ZNF280D: variants seen among roughly 807,000 people sequenced by gnomAD.
ZNF280D encodes zinc finger protein 280D.
In ZNF280D, 39 loss-of-function variants were observed where a neutral mutation model predicts 94.7. That is an observed-to-expected ratio of 0.41 (90% confidence interval 0.32 to 0.54). The LOEUF is 0.54. Ranked by LOEUF, ZNF280D falls within the 20% of genes least tolerant of loss-of-function variation. The pLI, the probability that ZNF280D is intolerant of heterozygous loss-of-function variation, is 0.22. For synonymous variants in ZNF280D, 398 were observed against 377.6 expected (o/e 1.05, Z -0.63); for missense variants, 1,090 against 1,149.3 (o/e 0.95, Z 0.75).
intron 13 of ZNF280D, among the ~76,000 whole-genome samples, chr15:56,671,252 T>C (rs1271358416): frequency 3.9e-5 from 6 of 152,172 alleles, no homozygotes; most frequent in African/African-American, 1.4e-4. Flanking sequence ...CCTTTGCCTA[T>C]GCCTATGTCC....
intron 3 of ZNF280D, among the ~76,000 whole-genome samples, chr15:56,706,692 T>G (rs1245112375): frequency 1.3e-5 from 2 of 152,134 alleles, no homozygotes; most frequent in Admixed American, 6.5e-5. Flanking sequence ...CAAACTCATA[T>G]AGTATACAAA....
chr15:56,719,106 A>G (rs1192289287), intron 1 of ZNF280D, among the ~76,000 whole-genome samples: 1 of 152,178 alleles, frequency 6.6e-6, no homozygotes, highest in Non-Finnish European at 1.5e-5. Flanking sequence ...AGTCTCAGCT[A>G]TCAATTCTCA....
rs75503289 is a variant in ZNF280D at position 56,684,984 on chromosome 15, T to C, written c.781-2507A>G. On this transcript the variant is annotated intron_variant, in intron 9 of 21. Coordinates refer to ENST00000267807, the MANE Select transcript of ZNF280D (RefSeq NM_017661.4). ...TGTAGACAACCAAAAAGCTACAGAC[T>C]GCCAAACAAGAAGATCAAACCACTT... is the stretch of plus-strand genomic sequence containing the variant. 7.9e-3 allele frequency among the ~76,000 whole-genome samples: 1,209 copies of C among 152,298 alleles called. 16 individuals carry two copies. The highest frequency in any genetic ancestry group is 0.028 in the African/African-American group (1,144 of 41,572).
Position 56,692,630 on chromosome 15 carries a change from G to T in ZNF280D, c.499+468C>A, listed in dbSNP as rs544755122. Among the ~76,000 whole-genome samples the T allele has an allele frequency of 6.6e-5, 10 of 152,142 alleles. No individual in the cohort carries two copies. In the East Asian group the frequency reaches 1.9e-3, roughly 29 times the overall value. ...ATGTACAAATCACTATTTATTTATT[G>T]TTGGGAGTTTATAATAGCACTTTAT... On this transcript the variant is annotated intron_variant, in intron 7 of 21. Transcript: ENST00000267807.
intron 19 of ZNF280D, among the ~76,000 whole-genome samples, chr15:56,646,707 T>G (rs2052910519): frequency 6.6e-6 from 1 of 152,170 alleles, no homozygotes; most frequent in Non-Finnish European, 1.5e-5. Context: ...CTCAAGGAGT[T>G]CACTGTGAAG....
At chr15:56,660,108 G>T (rs2053834023) in intron 16 of ZNF280D, among the ~76,000 whole-genome samples, 6 of 152,000 alleles carry the variant, frequency 3.9e-5, no homozygotes, top group Admixed American at 3.3e-4. Flanking sequence ...AGTTTTGTTA[G>T]AAGAGTACAT....
chr15:56,721,583 T>C (rs1026278311), intron 1 of ZNF280D, among the ~76,000 whole-genome samples: 36 of 152,342 alleles, frequency 2.4e-4, no homozygotes, highest in African/African-American at 8.7e-4. Context: ...CTTCATCTTA[T>C]ACTTTTATGT....
At position 56,631,913 on chromosome 15, in the gene ZNF280D, A is replaced by G. The variant is rs997691614; in HGVS notation, c.2525T>C (p.Ile842Thr). Residue 842 changes from isoleucine (I) to threonine (T), a missense_variant, in exon 22 of 22, where the codon ATA (isoleucine) becomes ACA (threonine). Coordinates refer to ENST00000267807, the MANE Select transcript of ZNF280D (RefSeq NM_017661.4). ...GADKVEKKKQIQHVCQEMELK... is the reference protein window; with the variant it reads ...GADKVEKKKQTQHVCQEMELK... ...CTCCATTTCCTGACAAACGTGTTGT[A>G]TTTGTTTTTTCTTTTCCACTTTATC... 6.2e-7 allele frequency: 1 copy of G among 1,613,670 alleles called. No homozygotes were observed. Among genetic ancestry groups the G allele is most frequent in the Non-Finnish European group, 8.5e-7 (1 of 1,179,970 alleles).
intron 1 of ZNF280D, chr15:56,724,936 C>T (rs1473933636): frequency 4.4e-6 from 2 of 451,090 alleles, no homozygotes; most frequent in African/African-American, 4.0e-5. Context: ...GTTATGAAGG[C>T]CTTTCTAGCA....
chr15:56,680,010 A>C (rs2055511876), intron 10 of ZNF280D, among the ~76,000 whole-genome samples: 1 of 152,194 alleles, frequency 6.6e-6, no homozygotes, highest in African/African-American at 2.4e-5. Context: ...ATGTTCCCTT[A>C]ACCAATTCGC....
intron 9 of ZNF280D, among the ~76,000 whole-genome samples, chr15:56,687,133 C>T (rs191167983): frequency 1.9e-3 from 294 of 152,174 alleles, no homozygotes; most frequent in Admixed American, 5.4e-3. Flanking sequence ...ACTTTCCCTT[C>T]CTAGATTTGG....
chr15:56,719,591 G>C (rs1415142889), intron 1 of ZNF280D, among the ~76,000 whole-genome samples: 2 of 152,046 alleles, frequency 1.3e-5, no homozygotes, highest in African/African-American at 4.8e-5. Flanking sequence ...CACAGACAGA[G>C]AAAGACACCC....
chr15:56,653,762 A>G, intron 19 of ZNF280D: 1 of 1,272,840 alleles, frequency 7.9e-7, no homozygotes, highest in Non-Finnish European at 9.9e-7. Flanking sequence ...CAAGTACAGC[A>G]GAGAAAAACA....
chr15:56,655,233 A>T (rs1255863715), intron 17 of ZNF280D, among the ~76,000 whole-genome samples: 1 of 152,184 alleles, frequency 6.6e-6, no homozygotes. Flanking sequence ...TGAACTAGGG[A>T]GTCTCACTCT....
At position 56,677,483 on chromosome 15, in the gene ZNF280D, T is replaced by G. The variant is rs546921486; in HGVS notation, c.1263+91A>C. ...TAAGTTATGCCAAGTTATGCATAAG[T>G]TTGCTGACCGCTGGTCTAATAGGCT... On this transcript the variant is annotated intron_variant, in intron 12 of 21. Coordinates refer to ENST00000267807, the MANE Select transcript of ZNF280D (RefSeq NM_017661.4). 527 of 848,690 alleles carry G rather than the reference T, an allele frequency of 6.2e-4. 1 individual carries two copies. The highest frequency in any genetic ancestry group is 7.5e-4 in the Middle Eastern group (2 of 2,670). 52.6% of individuals were successfully genotyped at this position (848,690 alleles called of 1,614,324 possible). A position where few individuals can be genotyped will look rare whatever the true frequency, so the allele number is the denominator to read the frequency against.
At chr15:56,711,534 G>C (rs962987543) in intron 1 of ZNF280D, among the ~76,000 whole-genome samples, 9 of 152,086 alleles carry the variant, frequency 5.9e-5, no homozygotes, top group Non-Finnish European at 1.0e-4. Flanking sequence ...GCATGGTGGA[G>C]CATGCCTGTA....
chr15:56,667,323 T>G (rs889490020), intron 14 of ZNF280D, among the ~76,000 whole-genome samples: 34 of 152,138 alleles, frequency 2.2e-4, no homozygotes, highest in African/African-American at 7.7e-4. Flanking sequence ...TTCACAAGCA[T>G]AGAGCTCAAA....
chr15:56,654,476 A>G lies in ZNF280D; in HGVS notation c.2085T>C (p.Cys695=). Residue 695 remains cysteine, a synonymous_variant, in exon 18 of 22, where the codon TGT becomes TGC. Transcript: ENST00000267807. ...LRGITLVCLN[C]DFLSDVSGLD... ...AGCCAGAAACATCACTTAGGAAATC[A>G]CAATTAAGGCACACTAGAGTAATGC... 6.2e-7 allele frequency: 1 copy of G among 1,608,556 alleles called. No individual in the cohort carries two copies. Among genetic ancestry groups the G allele is most frequent in the Non-Finnish European group, 8.5e-7 (1 of 1,178,456 alleles).
At chr15:56,716,961 T>C (rs1403768307) in intron 1 of ZNF280D, among the ~76,000 whole-genome samples, 3 of 152,130 alleles carry the variant, frequency 2.0e-5, no homozygotes, top group Non-Finnish European at 4.4e-5. Flanking sequence ...TCATAAAGGA[T>C]CTCCATTGAG....
Sources: gnomAD v4.1 joint callset for allele counts (sites outside exome capture counted in the v4.1 genomes callset) on GRCh38, gnomAD v4.1.1 for gene constraint, MANE v1.5 for transcripts, NCBI Gene and HGNC (gene_info 2026-07-23, HGNC 2026-07-21) for gene names.